CEP192: variants seen among roughly 807,000 people sequenced by gnomAD.
CEP192 encodes centrosomal protein of 192 kDa.
Under a neutral mutation model 271.8 loss-of-function variants are expected in CEP192, and 151 were observed. That is an observed-to-expected ratio of 0.56 (90% CI 0.49 to 0.64). The LOEUF is 0.64. CEP192 is among the 30% of genes least tolerant of loss of function. The pLI, the probability that CEP192 is intolerant of heterozygous loss-of-function variation, is 0.00. For missense variants in CEP192, 2,910 were observed against 3,020.5 expected, an observed-to-expected ratio of 0.96 and a Z score of 0.86; for synonymous variants, 995 against 1,076.5, an observed-to-expected ratio of 0.92 and a Z score of 1.48.
chr18:13,077,777 C>A (rs1490298932), intron 30 of CEP192, among the ~76,000 whole-genome samples: 1 of 152,100 alleles, frequency 6.6e-6, no homozygotes, highest in Non-Finnish European at 1.5e-5. Context: ...CAGTTTTCCC[C>A]AAAAACATTT....
At chr18:13,095,255 GC>G (rs562491725) in intron 34 of CEP192, among the ~76,000 whole-genome samples, 206 of 152,194 alleles carry the variant, frequency 1.4e-3, no homozygotes, top group Non-Finnish European at 2.4e-3. Flanking sequence ...TCCCGCCTCG[GC>G]CTCCCAAAGT....
At chr18:13,010,495 A>G (rs1011974542) in intron 4 of CEP192, among the ~76,000 whole-genome samples, 1 of 152,240 alleles carries the variant, frequency 6.6e-6, no homozygotes, top group East Asian at 1.9e-4. Context: ...AGAAAAAAAT[A>G]GATGAATTGG....
chr18:13,046,890 C>T (rs1460596823), intron 15 of CEP192, among the ~76,000 whole-genome samples: 1 of 141,360 alleles, frequency 7.1e-6, no homozygotes, highest in Admixed American at 7.2e-5. Flanking sequence ...TGTCTCTCTA[C>T]AATGTCTTTA....
chr18:13,116,490 T>G lies in CEP192; in HGVS notation c.7403T>G (p.Phe2468Cys), dbSNP rs2040437004. 2 of 1,607,282 alleles carry G rather than the reference T, an allele frequency of 1.2e-6. No individual in the cohort carries two copies. Among genetic ancestry groups the G allele is most frequent in the Non-Finnish European group, 8.5e-7 (1 of 1,177,902 alleles). Residue 2468 changes from phenylalanine (F) to cysteine (C), a missense_variant, in exon 43 of 45, where the codon TTT becomes TGT. Transcript: ENST00000506447. ...TLKVNLRNNSFITHSLKFLSP... is the reference protein window; with the variant it reads ...TLKVNLRNNSCITHSLKFLSP... Reference sequence around the variant, plus strand: ...AAAGTCAATCTGCGAAATAATTCTTTTATTACACACTCAGTAAGTTGGAAA... The same window carrying G: ...AAAGTCAATCTGCGAAATAATTCTTGTATTACACACTCAGTAAGTTGGAAA...
At chr18:13,107,082 G>A (rs1480091620) in intron 40 of CEP192, among the ~76,000 whole-genome samples, 1 of 152,174 alleles carries the variant, frequency 6.6e-6, no homozygotes. Context: ...GTGTGTGTGT[G>A]TGTACATATA....
rs1159359759 is a variant in CEP192 at position 13,008,603 on chromosome 18, C to T, written c.438C>T (p.Asn146=). The change falls in exon 4 of 45, where the codon AAC becomes AAT. Residue 146 remains asparagine, a synonymous_variant. Coordinates refer to ENST00000506447, the MANE Select transcript of CEP192 (RefSeq NM_032142.4). ...CCTTGCAGGGCCAAGATCTCTTCAA[C>T]AGGGCTTCACCACTGGAACAAGCAC... The part of the protein sequence containing the change: ...TESLQGQDLF[N]RASPLEQAQD... The T allele has an allele frequency of 2.6e-6, 4 of 1,551,424 alleles. No individual in the cohort carries two copies. The highest frequency in any genetic ancestry group is 3.5e-6 in the Non-Finnish European group (4 of 1,146,884).
At chr18:13,088,791 G>A (rs984508117) in intron 32 of CEP192, 8 of 274,452 alleles carry the variant, frequency 2.9e-5, no homozygotes, top group South Asian at 1.3e-4. Context: ...ATTTAATGGC[G>A]ACTTGCTACA....
intron 40 of CEP192, among the ~76,000 whole-genome samples, chr18:13,106,536 C>T (rs1297564303): frequency 6.6e-6 from 1 of 151,298 alleles, no homozygotes; most frequent in Non-Finnish European, 1.5e-5. Context: ...CCACCACCAC[C>T]TCCCCCATCT....
chr18:12,997,364 C>T (rs886511597), intron 1 of CEP192, among the ~76,000 whole-genome samples: 1 of 151,958 alleles, frequency 6.6e-6, no homozygotes, highest in Non-Finnish European at 1.5e-5. Flanking sequence ...TTTCGTGGGG[C>T]GGCAGGGGGG....
chr18:13,068,478 A>G, intron 24 of CEP192, 56 bp downstream of exon 24: 1 of 1,280,530 alleles, frequency 7.8e-7, no homozygotes, highest in Non-Finnish European at 1.1e-6. Flanking sequence ...ATAAACTACA[A>G]ATTTGAGATG....
rs753272477 is a variant in CEP192, at chr18:13,087,196, T to C, written c.5796T>C (p.Asp1932=). ...AAFVKAVGFK[D]SQKKVLLDPK... ...TTGTTAAAGCAGTAGGTTTTAAGGATTCTCAGAAAAAAGTTTTGCTGGATC... is the reference window on the plus strand; with the variant it reads ...TTGTTAAAGCAGTAGGTTTTAAGGACTCTCAGAAAAAAGTTTTGCTGGATC... Residue 1932 remains aspartate, a synonymous_variant, in exon 31 of 45, where the codon GAT becomes GAC. Coordinates refer to ENST00000506447, the MANE Select transcript of CEP192 (RefSeq NM_032142.4). 4.3e-6 allele frequency: 7 copies of C among 1,613,862 alleles called. No individual in the cohort carries two copies. The highest frequency in any genetic ancestry group is 1.7e-4 in the Middle Eastern group (1 of 6,060).
chr18:12,999,890 G>T (rs561086285), intron 2 of CEP192, among the ~76,000 whole-genome samples: 1 of 149,790 alleles, frequency 6.7e-6, no homozygotes. Context: ...CACACTAATG[G>T]CTAGTAATGT....
intron 27 of CEP192, 86 bp from the exon 28 acceptor site, chr18:13,070,953 G>A (rs1227987592): frequency 9.1e-7 from 1 of 1,095,608 alleles, no homozygotes; most frequent in Non-Finnish European, 1.4e-6. Context: ...ACCCAGTTCA[G>A]TCTTTTGGAC....
At chr18:13,041,809 G>A (rs904676132) in intron 14 of CEP192, among the ~76,000 whole-genome samples, 3 of 151,950 alleles carry the variant, frequency 2.0e-5, no homozygotes, top group Admixed American at 2.0e-4. Context: ...CAAGTGATCC[G>A]CCCACCTCAG....
intron 11 of CEP192, among the ~76,000 whole-genome samples, chr18:13,032,502 C>T (rs2035688032): frequency 6.6e-6 from 1 of 152,144 alleles, no homozygotes. Context: ...GGATATTTAT[C>T]ACTTAAAAGA....
At chr18:13,000,091 C>CTTTTTTTT (rs775544715) in intron 2 of CEP192, among the ~76,000 whole-genome samples, 15 of 76,758 alleles carry the variant, frequency 2.0e-4, no homozygotes, top group East Asian at 1.5e-3. Flanking sequence ...TGTCTTCTCT[C>CTTTTTTTT]TTTTTTTTTT....
At chr18:13,095,746 G>A in intron 35 of CEP192, 65 bp downstream of exon 35, 1 of 1,398,396 alleles carries the variant, frequency 7.2e-7, no homozygotes, top group Non-Finnish European at 9.9e-7. Context: ...CTCCCATTGT[G>A]CCCATGGCCT....
At position 13,114,208 on chromosome 18, in the gene CEP192, C is replaced by T. The variant is rs754559228; in HGVS notation, c.7246C>T (p.Pro2416Ser). Residue 2416 changes from proline (P) to serine (S), a missense_variant, in exon 42 of 45, where the codon CCC becomes TCC. By Grantham distance (74) the Pro-to-Ser change is moderately conservative. Transcript: ENST00000506447. Reference protein sequence around the residue: ...SLIKIDHLVKPRRQAVSEASA... With the variant: ...SLIKIDHLVKSRRQAVSEASA... ...CATTAAAATAGATCATTTAGTTAAG[C>T]CCCGAAGACAAGCTGTGTCAGAGGC... 1.2e-6 allele frequency: 2 copies of T among 1,613,906 alleles called. No individual in the cohort carries two copies. The highest frequency in any genetic ancestry group is 3.3e-5 in the Admixed American group (2 of 59,998).
At chr18:13,052,795 G>A (rs1365252447) in intron 17 of CEP192, 124 bp from the exon 18 acceptor site, 2 of 627,452 alleles carry the variant, frequency 3.2e-6, no homozygotes, top group Admixed American at 2.7e-5. Flanking sequence ...AGATAATTAA[G>A]TGTAAACATT....
Sources: gnomAD v4.1 joint callset for allele counts (sites outside exome capture counted in the v4.1 genomes callset) on GRCh38, gnomAD v4.1.1 for gene constraint, MANE v1.5 for transcripts, NCBI Gene and HGNC (gene_info 2026-07-23, HGNC 2026-07-21) for gene names.